Variants in TMEM254 observed in about 807,000 individuals in gnomAD.
TMEM254 encodes transmembrane protein C10orf57.
Under a neutral mutation model 13.9 loss-of-function variants are expected in TMEM254, and 16 were observed. The ratio of observed to expected loss-of-function variants is 1.15; its 90% CI spans 0.78 to 1.75. TMEM254 has a LOEUF of 1.75. Ranked by LOEUF, TMEM254 falls within the 40% of genes most tolerant of loss-of-function variation. The probability of loss-of-function intolerance (pLI) is 0.00; values close to 1 mark genes in which losing one functional copy is unlikely to be tolerated. For missense variants in TMEM254, 155 were observed against 149.0 expected, an observed-to-expected ratio of 1.04 and a Z score of -0.21; for synonymous variants, 61 against 56.4, an observed-to-expected ratio of 1.08 and a Z score of -0.36.
intron 1 of TMEM254, chr10:80,079,118 C>G (rs1375519937): frequency 7.4e-7 from 1 of 1,349,620 alleles, no homozygotes. Flanking sequence ...ATGCGGCTAC[C>G]GCCTATTTCC....
chr10:80,086,449 T>A, intron 3 of TMEM254: 1 of 356,732 alleles, frequency 2.8e-6, no homozygotes, highest in African/African-American at 2.3e-5. Context: ...TCATATAAAT[T>A]TACTTTCCAA....
intron 3 of TMEM254, chr10:80,086,383 C>T (rs570823710): frequency 1.0e-5 from 5 of 484,774 alleles, no homozygotes; most frequent in Non-Finnish European, 1.7e-5. Flanking sequence ...CCTGCTCTTC[C>T]AAGATGGCAA....
chr10:80,079,086 A>C, intron 1 of TMEM254: 1 of 1,398,742 alleles, frequency 7.1e-7, no homozygotes, highest in Non-Finnish European at 9.5e-7. Flanking sequence ...TTTCAAGAGG[A>C]TGGTGAAGTC....
intron 1 of TMEM254, chr10:80,079,096 C>T (rs1843807822): frequency 7.3e-7 from 1 of 1,374,400 alleles, no homozygotes; most frequent in African/African-American, 1.5e-5. Context: ...ATGGTGAAGT[C>T]GGAGGCCAGC....
intron 3 of TMEM254, among the ~76,000 whole-genome samples, chr10:80,084,365 G>C (rs1014080905): frequency 1.3e-5 from 2 of 152,130 alleles, no homozygotes; most frequent in African/African-American, 4.8e-5. Flanking sequence ...CTTCAGGTGG[G>C]TCTGTGGTAC....
At chr10:80,081,583 G>C in intron 1 of TMEM254, 1 of 1,109,774 alleles carries the variant, frequency 9.0e-7, no homozygotes, top group Non-Finnish European at 1.3e-6. Flanking sequence ...TGGGAGGATG[G>C]ATTGAGCCCA....
chr10:80,086,616 A>T (rs7901310), intron 3 of TMEM254, among the ~76,000 whole-genome samples: 2 of 151,570 alleles, frequency 1.3e-5, no homozygotes, highest in Non-Finnish European at 2.9e-5. Context: ...GCCAAGGCGG[A>T]CGGATCACCA....
rs1469673958 is a variant in TMEM254, at chr10:80,081,835, T to C, written c.88-6T>C. On this transcript the variant is annotated splice_region_variant and splice_polypyrimidine_tract_variant and intron_variant, in intron 1 of 3. Coordinates refer to ENST00000372281, the MANE Select transcript of TMEM254 (RefSeq NM_025125.4). The stretch of plus-strand genomic sequence containing the variant: ...TAGGTATTCTGTGTCTCTGCTTCTC[T>C]TTCAGTGGGTTGTCTTCTGGCCTCA... 6 of 1,614,154 alleles carry C rather than the reference T, an allele frequency of 3.7e-6. No individual in the cohort carries two copies. In the South Asian group the frequency reaches 6.6e-5, roughly 18 times the overall value.
Position 80,091,927 on chromosome 10 carries a change from C to G in TMEM254, c.*1010C>G, listed in dbSNP as rs1037411513. The G allele has an allele frequency of 6.6e-6, 1 of 152,184 alleles. No individual in the cohort carries two copies. The highest frequency in any genetic ancestry group is 2.4e-5 in the African/African-American group (1 of 41,434). 9.4% of individuals were successfully genotyped at this position (152,184 alleles called of 1,614,324 possible). ...AAACCTTTATCTTTTTCATACCTTT[C>G]TATTCTCAATCACTTCTCCAAAAGT... is the stretch of plus-strand genomic sequence containing the variant. On this transcript the variant is annotated 3_prime_UTR_variant, in exon 4 of 4. Coordinates refer to ENST00000372281, the MANE Select transcript of TMEM254 (RefSeq NM_025125.4).
At chr10:80,088,815 G>GTCAAAC (rs1278467947) in intron 3 of TMEM254, among the ~76,000 whole-genome samples, 3 of 151,094 alleles carry the variant, frequency 2.0e-5, no homozygotes, top group African/African-American at 7.3e-5. Flanking sequence ...CAAGGCTGAT[G>GTCAAAC]TCAAACTCCT....
At chr10:80,083,676 T>C (rs1290061170) in intron 3 of TMEM254, among the ~76,000 whole-genome samples, 3 of 152,162 alleles carry the variant, frequency 2.0e-5, no homozygotes, top group Non-Finnish European at 4.4e-5. Flanking sequence ...AAGGGTGCAG[T>C]TGATATCTTC....
intron 3 of TMEM254, chr10:80,086,298 C>T (rs780526632): frequency 5.6e-6 from 8 of 1,434,308 alleles, no homozygotes; most frequent in Non-Finnish European, 7.3e-6. Flanking sequence ...CCCAGGAAAA[C>T]CCTTCTCCGG....
At position 80,089,937 on chromosome 10, in the gene TMEM254, A is replaced by G. The variant is rs137914334; in HGVS notation, c.252-860A>G. 7.6e-3 allele frequency among the ~76,000 whole-genome samples: 1,150 copies of G among 151,390 alleles called. 17 individuals carry two copies. Among genetic ancestry groups the G allele is most frequent in the African/African-American group, 0.026 (1,079 of 41,234 alleles). ...GGAGAATGGCATCAACCCGGGAGGC[A>G]GAGCTTGCAGTGAGTCAAGATCGCG... On this transcript the variant is annotated intron_variant, in intron 3 of 3. Transcript: ENST00000372281.
At position 80,090,913 on chromosome 10, in the gene TMEM254, C is replaced by T. The variant is rs924720488; in HGVS notation, c.368C>T (p.Thr123Ile). The T allele has an allele frequency of 7.4e-6, 12 of 1,613,440 alleles. No individual in the cohort carries two copies. The highest frequency in any genetic ancestry group is 2.2e-5 in the South Asian group (2 of 90,954). ...IAYKRKRQKQ[T>I] is the part of the protein sequence containing the mutation. ...TACAAACGGAAGCGCCAAAAACAAA[C>T]TTGAAGTTGTCTGAAAGCTTGCTCT... The change falls in exon 4 of 4, where the codon ACT becomes ATT. Residue 123 changes from threonine (T) to isoleucine (I), a missense_variant. By Grantham distance (89) the Thr-to-Ile change is moderately conservative. Transcript: ENST00000372281.
intron 3 of TMEM254, chr10:80,090,538 C>T: frequency 2.9e-6 from 2 of 691,812 alleles, no homozygotes; most frequent in South Asian, 3.2e-5. Context: ...ACATGAGAAA[C>T]AGTCTTATAA....
chr10:80,079,089 G>T, intron 1 of TMEM254: 1 of 1,406,718 alleles, frequency 7.1e-7, no homozygotes, highest in Non-Finnish European at 9.5e-7. Context: ...CAAGAGGATG[G>T]TGAAGTCGGA....
chr10:80,081,600 G>A (rs1589380571), intron 1 of TMEM254: 2 of 1,288,632 alleles, frequency 1.6e-6, no homozygotes, highest in Non-Finnish European at 2.2e-6. Flanking sequence ...CCCAGATGGT[G>A]GAGGCTGCAG....
intron 1 of TMEM254, chr10:80,079,295 C>T: frequency 1.7e-6 from 2 of 1,206,684 alleles, no homozygotes; most frequent in Non-Finnish European, 2.1e-6. Flanking sequence ...TGACGGTTGT[C>T]TCGGTTACTC....
chr10:80,084,412 C>T (rs952781603), intron 3 of TMEM254, among the ~76,000 whole-genome samples: 3 of 152,190 alleles, frequency 2.0e-5, no homozygotes, highest in African/African-American at 7.2e-5. Flanking sequence ...TCAGTGCCTT[C>T]TCCAGGATCT....
Sources: gnomAD v4.1 joint callset for allele counts (sites outside exome capture counted in the v4.1 genomes callset) on GRCh38, gnomAD v4.1.1 for gene constraint, MANE v1.5 for transcripts, NCBI Gene and HGNC (gene_info 2026-07-23, HGNC 2026-07-21) for gene names.